MDN1: variants seen among roughly 807,000 people sequenced by gnomAD.
The protein encoded by MDN1 is midasin.
MDN1 carries 266 observed loss-of-function variants against 669.2 expected under a neutral mutation model. The ratio of observed to expected loss-of-function variants is 0.40; its 90% CI spans 0.36 to 0.44. The LOEUF is 0.44. Ranked by LOEUF, MDN1 falls within the 20% of genes least tolerant of loss-of-function variation. The pLI, the probability that MDN1 is intolerant of heterozygous loss-of-function variation, is 1.00. For missense variants in MDN1, 5,940 were observed against 6,754.0 expected, an observed-to-expected ratio of 0.88 and a Z score of 4.22; for synonymous variants, 2,385 against 2,457.1, an observed-to-expected ratio of 0.97 and a Z score of 0.87.
intron 1 of MDN1, among the ~76,000 whole-genome samples, chr6:89,807,243 T>C (rs780137810): frequency 6.6e-6 from 1 of 152,076 alleles, no homozygotes; most frequent in Non-Finnish European, 1.5e-5. Context: ...CACACTACCA[T>C]GCCTGGCTAA....
chr6:89,747,480 T>C lies in MDN1; in HGVS notation c.3763-10A>G. On this transcript the variant is annotated splice_polypyrimidine_tract_variant and intron_variant, in intron 26 of 101. Transcript: ENST00000369393. ...AACTTCTGCGATAGGACTGTTGAAG[T>C]ATCAAAACAAATGAAAAGGGGCATC... 6.2e-7 allele frequency: 1 copy of C among 1,608,886 alleles called. No homozygotes were observed. Among genetic ancestry groups the C allele is most frequent in the East Asian group, 2.2e-5 (1 of 44,802 alleles).
rs753604234 is a variant in MDN1, at chr6:89,700,172, C to T, written c.8761G>A (p.Val2921Ile). The T allele has an allele frequency of 9.3e-6, 15 of 1,614,018 alleles. No individual in the cohort carries two copies. The highest frequency in any genetic ancestry group is 5.3e-5 in the African/African-American group (4 of 74,908). ...SSLSHPDLTS[V>I]IHLTRSVQLW... ...TGAACACTCCTGGTGAGGTGGATTACGGAGGTCAAGTCTGGATGGGACAGG... is the reference window on the plus strand; with the variant it reads ...TGAACACTCCTGGTGAGGTGGATTATGGAGGTCAAGTCTGGATGGGACAGG... The change falls in exon 57 of 102, where the codon GTA becomes ATA. Residue 2921 changes from valine to isoleucine, a missense_variant. Around this residue, in one of 5 missense-constraint regions of MDN1, gnomAD observed 2,292 missense variants for 2,638.3 expected, o/e 0.87. Coordinates refer to ENST00000369393, the MANE Select transcript of MDN1 (RefSeq NM_014611.3).
At chr6:89,771,308 T>C (rs1006434108) in intron 15 of MDN1, among the ~76,000 whole-genome samples, 3 of 152,176 alleles carry the variant, frequency 2.0e-5, no homozygotes, top group Non-Finnish European at 4.4e-5. Context: ...TGCCTCTACA[T>C]GCTTAAATAT....
intron 50 of MDN1, among the ~76,000 whole-genome samples, chr6:89,709,540 T>C (rs949656175): frequency 1.3e-5 from 2 of 152,236 alleles, no homozygotes; most frequent in Non-Finnish European, 2.9e-5. Flanking sequence ...AGCCACAACT[T>C]GACTAGCAAA....
chr6:89,716,073 C>T (rs189958272), intron 44 of MDN1, among the ~76,000 whole-genome samples: 101 of 152,282 alleles, frequency 6.6e-4, no homozygotes, highest in African/African-American at 2.3e-3. Flanking sequence ...TCCTGCCCCC[C>T]ATCCCTCAAC....
chr6:89,802,417 GC>G (rs1767725460), intron 2 of MDN1, among the ~76,000 whole-genome samples: 1 of 152,228 alleles, frequency 6.6e-6, no homozygotes, highest in Non-Finnish European at 1.5e-5. Flanking sequence ...GGGCACAGTG[GC>G]TCACGCCTGT....
At position 89,662,334 on chromosome 6, in the gene MDN1, T is replaced by C. The variant is rs182545520; in HGVS notation, c.14413-95A>G. On this transcript the variant is annotated intron_variant, in intron 86 of 101. Transcript: ENST00000369393. ...TTTAGACATGCATAATTTCTGCCTA[T>C]TGGACCTATCCCATGGATGGCTGAT... 24 of 1,312,972 alleles carry C rather than the reference T, an allele frequency of 1.8e-5. No individual in the cohort carries two copies. In the East Asian group the frequency reaches 3.7e-4, roughly 20 times the overall value. The allele number at this position is 1,312,972 out of a possible 1,614,324, so 81.3% of individuals were successfully genotyped here.
intron 13 of MDN1, among the ~76,000 whole-genome samples, chr6:89,773,503 G>A (rs1243786939): frequency 6.9e-6 from 1 of 144,466 alleles, no homozygotes. Flanking sequence ...TCGCACCACT[G>A]CACTCCAGCC....
Position 89,695,769 on chromosome 6 carries a change from G to C in MDN1, c.9607C>G (p.His3203Asp). ...LLCQLLTSLH[H>D]FVGEGESKRS... ...TTACTCTCCCCTTCACCAACAAAGT[G>C]GTGCAGGGAGGTGAGCAACTGGCAG... is the stretch of plus-strand genomic sequence containing the variant. The change falls in exon 61 of 102, where the codon CAC (histidine) becomes GAC (aspartate). Residue 3203 changes from histidine to aspartate, a missense_variant. Physicochemically the swap from His to Asp is moderately conservative, Grantham distance 81. Around this residue, in one of 5 missense-constraint regions of MDN1, gnomAD observed 2,292 missense variants for 2,638.3 expected, o/e 0.87. Coordinates refer to ENST00000369393, the MANE Select transcript of MDN1 (RefSeq NM_014611.3). The surrounding 1 kb of genome is among the most constrained non-coding windows in gnomAD (Gnocchi z 4.1). 1.9e-6 allele frequency: 3 copies of C among 1,613,624 alleles called. No individual in the cohort carries two copies. The highest frequency in any genetic ancestry group is 2.5e-6 in the Non-Finnish European group (3 of 1,179,936).
At chr6:89,645,269 C>T in intron 100 of MDN1, 112 bp from the exon 101 acceptor site, 1 of 1,150,060 alleles carries the variant, frequency 8.7e-7, no homozygotes, top group Admixed American at 2.4e-5. Flanking sequence ...ACTATTAAAG[C>T]TAAACAGACC....
At chr6:89,790,460 T>A (rs1326075256) in intron 5 of MDN1, 59 bp from the exon 6 acceptor site, 6 of 1,606,374 alleles carry the variant, frequency 3.7e-6, no homozygotes, top group Non-Finnish European at 5.1e-6. Context: ...GAACCGAAGT[T>A]AATTTCCACA....
intron 30 of MDN1, 91 bp from the exon 31 acceptor site, chr6:89,743,371 G>C (rs1816394218): frequency 1.3e-6 from 2 of 1,496,092 alleles, no homozygotes; most frequent in Non-Finnish European, 1.8e-6. Flanking sequence ...GGGTGAAGTA[G>C]GCATTCTGAG....
chr6:89,749,124 G>GA (rs1469624216), intron 26 of MDN1, 99 bp downstream of exon 26: 3 of 1,172,140 alleles, frequency 2.6e-6, no homozygotes, highest in Non-Finnish European at 3.5e-6. Context: ...TCTCTACTTG[G>GA]AAAAATACAT....
rs565805906 is a variant in MDN1, at chr6:89,728,938, T to C, written c.5342A>G (p.Glu1781Gly). The change falls in exon 36 of 102, where the codon GAG (glutamate) becomes GGG (glycine). Residue 1781 changes from glutamate to glycine, a missense_variant. This residue lies in a region of MDN1 where 2,292 missense variants were observed against 2,638.3 expected (regional missense o/e 0.87). Coordinates refer to ENST00000369393, the MANE Select transcript of MDN1 (RefSeq NM_014611.3). ...TAGGATGACCGAGCTTACCGTTTGC[T>C]CTGATAAGTTGATTCTAACAAGGGT... Reference protein sequence around the residue: ...GNTLVRINLSEQTDITDLFGA... With the variant: ...GNTLVRINLSGQTDITDLFGA... The C allele has an allele frequency of 1.5e-5, 24 of 1,613,830 alleles. No homozygotes were observed. The South Asian group carries it at 2.5e-4, about 17-fold the overall frequency.
chr6:89,682,699 T>TTAAAAA (rs1811705700), intron 73 of MDN1, among the ~76,000 whole-genome samples: 1 of 96,858 alleles, frequency 1.0e-5, no homozygotes, highest in Non-Finnish European at 2.1e-5. Context: ...GACTCTGTCT[T>TTAAAAA]AAAAAAAAAA....
Position 89,732,759 on chromosome 6 carries a change from T to C in MDN1, c.4740A>G (p.Glu1580=). The change falls in exon 34 of 102, where the codon GAA becomes GAG. Residue 1580 remains glutamate, a synonymous_variant. Transcript: ENST00000369393. ...GCCAGTCAATGAAATCCAGCATCAC[T>C]TCAGGTATGTCAGACCCTAAACACA... ...RIDPKGSDIP[E]VMLDFIDWLT... The C allele has an allele frequency of 6.2e-7, 1 of 1,613,926 alleles. No homozygotes were observed. Among genetic ancestry groups the C allele is most frequent in the Middle Eastern group, 1.7e-4 (1 of 6,058 alleles).
At position 89,758,351 on chromosome 6, in the gene MDN1, T is replaced by C; in HGVS notation, c.2606A>G (p.Glu869Gly). 6.2e-7 allele frequency: 1 copy of C among 1,602,758 alleles called. No individual in the cohort carries two copies. The highest frequency in any genetic ancestry group is 8.5e-7 in the Non-Finnish European group (1 of 1,173,132). ...SLVLLDRGDT[E>G]PLVRHPDFRL... ...GAAGTCAGGATGCCGAACCAGTGGC[T>C]CTGTTAAGAGAAAATTACAAATTCT... is the stretch of plus-strand genomic sequence containing the variant. Residue 869 changes from glutamate to glycine, a missense_variant and splice_region_variant, in exon 19 of 102, where the codon GAG becomes GGG. By Grantham distance (98) the Glu-to-Gly change is moderately conservative (BLOSUM62 -2). Transcript: ENST00000369393.
At chr6:89,816,527 C>G (rs1768845656) in intron 1 of MDN1, among the ~76,000 whole-genome samples, 1 of 151,910 alleles carries the variant, frequency 6.6e-6, no homozygotes, top group South Asian at 2.1e-4. Flanking sequence ...GAGTTCTAGA[C>G]CAGCCTGGAC....
Position 89,707,361 on chromosome 6 carries a change from C to T in MDN1, c.8014G>A (p.Asp2672Asn). Residue 2672 changes from aspartate to asparagine, a missense_variant and splice_region_variant, in exon 52 of 102, where the codon GAT becomes AAT. Asp to Asn is a conservative substitution (Grantham distance 23, BLOSUM62 1). This residue lies in a region of MDN1 where 2,292 missense variants were observed against 2,638.3 expected (regional missense o/e 0.87). Transcript: ENST00000369393. ...GAACACAAAAGGTAAATGTTCTTAC[C>T]TTGATGGAATTCAAAGGACATTCTC... Reference protein sequence around the residue: ...VLRMSFEFHQDPESYHTLPHE... With the variant: ...VLRMSFEFHQNPESYHTLPHE... 2 of 1,594,870 alleles carry T rather than the reference C, an allele frequency of 1.3e-6. No individual in the cohort carries two copies. The highest frequency in any genetic ancestry group is 1.7e-6 in the Non-Finnish European group (2 of 1,162,592).
Sources: gnomAD v4.1 joint callset for allele counts (sites outside exome capture counted in the v4.1 genomes callset) on GRCh38, gnomAD v4.1.1 for gene constraint, gnomAD v4.1.1 regional missense constraint, Gnocchi (gnomAD v3.1) non-coding constraint, MANE v1.5 for transcripts, NCBI Gene and HGNC (gene_info 2026-07-23, HGNC 2026-07-21) for gene names.